The following SLC5A10 variants were observed in gnomAD, a reference collection of about 807,000 sequenced individuals.
The protein encoded by SLC5A10 is solute carrier family 5 member 10.
SLC5A10 carries 55 observed loss-of-function variants against 68.9 expected under a neutral mutation model. The ratio of observed to expected loss-of-function variants is 0.80; its 90% confidence interval spans 0.64 to 1.00. The LOEUF (loss-of-function observed/expected upper bound fraction) is 1.00, where lower values mean the gene tolerates loss of function less well. SLC5A10 is among the 50% of genes least tolerant of loss of function. SLC5A10 has a pLI of 0.00. For synonymous variants in SLC5A10, 344 were observed against 344.8 expected (o/e 1.00, Z 0.02); for missense variants, 732 against 819.3 (o/e 0.89, Z 1.30).
In SLC5A10 at chr17:18,986,757, G is replaced by A. The variant is rs540327378; in HGVS notation, c.982+9768G>A. Among the ~76,000 whole-genome samples the A allele has an allele frequency of 3.9e-5, 6 of 152,376 alleles. No homozygotes were observed. In the South Asian group the frequency reaches 1.2e-3, roughly 32 times the overall value. On this transcript the variant is annotated intron_variant, in intron 9 of 14. Coordinates refer to ENST00000395645, the MANE Select transcript of SLC5A10 (RefSeq NM_001042450.4). The stretch of plus-strand genomic sequence containing the variant: ...CTTGCGTCTGCACGCTGGGGGAAGT[G>A]CAAAGCACTCGCTGGGCCTGGGGCA...
chr17:18,978,589 C>T, intron 9 of SLC5A10: 2 of 1,613,262 alleles, frequency 1.2e-6, no homozygotes, highest in Non-Finnish European at 1.7e-6. Flanking sequence ...TCTTGGCAAT[C>T]TCGTCGACGC....
At chr17:19,014,124 C>T (rs35475444) in intron 10 of SLC5A10, among the ~76,000 whole-genome samples, 9,827 of 152,290 alleles carry the variant, frequency 0.065, 480 homozygotes, top group Middle Eastern at 0.24. Flanking sequence ...CTGTGCCTTC[C>T]GGGCAGGGGG....
chr17:19,020,389 C>G lies in SLC5A10; in HGVS notation c.1749C>G (p.Leu583=). Reference sequence around the variant, plus strand: ...GTGTCTGTGGCTTCAATGCCATCCTCCTCATGTGTGTCAACATATTCTTTT... The same window carrying G: ...GTGTCTGTGGCTTCAATGCCATCCTGCTCATGTGTGTCAACATATTCTTTT... The part of the protein sequence containing the change: ...WARVCGFNAI[L]LMCVNIFFYA... Residue 583 remains leucine, a synonymous_variant, in exon 15 of 15, where the codon CTC becomes CTG. Transcript: ENST00000395645. The G allele has an allele frequency of 6.2e-7, 1 of 1,614,128 alleles. No individual in the cohort carries two copies. The highest frequency in any genetic ancestry group is 1.1e-5 in the South Asian group (1 of 91,082).
intron 9 of SLC5A10, among the ~76,000 whole-genome samples, chr17:18,989,034 T>C (rs1212576482): frequency 6.6e-6 from 1 of 152,204 alleles, no homozygotes; most frequent in Non-Finnish European, 1.5e-5. Flanking sequence ...TCAGTGACTG[T>C]CAGGCTTCTC....
intron 9 of SLC5A10, among the ~76,000 whole-genome samples, chr17:18,994,622 G>A (rs1031695719): frequency 7.9e-5 from 12 of 152,154 alleles, no homozygotes; most frequent in African/African-American, 2.4e-4. Context: ...ACGCAGGACC[G>A]GGAATAGTGT....
At chr17:19,008,623 C>T (rs906387718) in intron 9 of SLC5A10, among the ~76,000 whole-genome samples, 14 of 151,722 alleles carry the variant, frequency 9.2e-5, no homozygotes, top group Non-Finnish European at 1.5e-4. Context: ...CCTCAGCCTC[C>T]GGAGTAGCTG....
intron 1 of SLC5A10, 136 bp from the exon 2 acceptor site, chr17:18,958,546 T>C (rs2042548000): frequency 4.6e-6 from 3 of 645,580 alleles, no homozygotes; most frequent in African/African-American, 1.8e-5. Context: ...TTTGGACATA[T>C]ACCTAGGAGT....
intron 9 of SLC5A10, among the ~76,000 whole-genome samples, chr17:19,009,896 A>T (rs563446367): frequency 6.6e-6 from 1 of 152,086 alleles, no homozygotes; most frequent in Non-Finnish European, 1.5e-5. Context: ...AGGAATGAGT[A>T]TAAGTTCCCT....
Position 19,003,700 on chromosome 17 carries a change from C to G in SLC5A10, c.983-9710C>G, listed in dbSNP as rs779741972. 12 of 1,606,762 alleles carry G rather than the reference C, an allele frequency of 7.5e-6. No individual in the cohort carries two copies. The African/African-American group carries it at 1.5e-4, about 20-fold the overall frequency. ...TCTGGGGCCAGTACTCCAGGGAGGGCAGCGGCTCGGCCTCGATGGGGACCC... is the reference window on the plus strand; with the variant it reads ...TCTGGGGCCAGTACTCCAGGGAGGGGAGCGGCTCGGCCTCGATGGGGACCC... On this transcript the variant is annotated intron_variant, in intron 9 of 14. Transcript: ENST00000395645. The surrounding 1 kb of genome is among the most constrained non-coding windows in gnomAD (Gnocchi z 4.5).
intron 10 of SLC5A10, among the ~76,000 whole-genome samples, chr17:19,014,289 G>A (rs971403816): frequency 6.6e-6 from 1 of 152,164 alleles, no homozygotes. Flanking sequence ...GTGGGCAGTT[G>A]AGCATCCTTC....
chr17:19,011,977 C>T (rs965556690), intron 9 of SLC5A10, among the ~76,000 whole-genome samples: 6 of 151,984 alleles, frequency 3.9e-5, no homozygotes, highest in Non-Finnish European at 8.8e-5. Flanking sequence ...CAATGCCAGC[C>T]GCCCCTGCTG....
chr17:18,956,441 TTC>T (rs1380996099), intron 1 of SLC5A10, among the ~76,000 whole-genome samples: 3 of 151,108 alleles, frequency 2.0e-5, no homozygotes, highest in Admixed American at 6.6e-5. Flanking sequence ...TTTCAAATTC[TTC>T]TGTTTTTTCT....
At chr17:18,963,560 C>A (rs1246268209) in intron 5 of SLC5A10, among the ~76,000 whole-genome samples, 1 of 152,256 alleles carries the variant, frequency 6.6e-6, no homozygotes, top group African/African-American at 2.4e-5. Flanking sequence ...CTGGGGCTAC[C>A]CTGGCTGTTT....
At chr17:18,977,597 T>C in intron 9 of SLC5A10, 1 of 1,608,712 alleles carries the variant, frequency 6.2e-7, no homozygotes, top group Non-Finnish European at 8.5e-7. Context: ...TGCCTCCTTG[T>C]CTGTGGAGCG....
chr17:18,993,441 A>G (rs2043482133), intron 9 of SLC5A10, among the ~76,000 whole-genome samples: 1 of 151,974 alleles, frequency 6.6e-6, no homozygotes, highest in Non-Finnish European at 1.5e-5. Context: ...GTAAGAGGGG[A>G]CAGTTTCCAA....
In SLC5A10 at chr17:18,957,813, A is replaced by G. The variant is rs1215790277; in HGVS notation, c.112-869A>G. Among the ~76,000 whole-genome samples, 4 of 152,192 alleles carry G rather than the reference A, an allele frequency of 2.6e-5. No homozygotes were observed. In the East Asian group the frequency reaches 7.7e-4, roughly 29 times the overall value. On this transcript the variant is annotated intron_variant, in intron 1 of 14. Coordinates refer to ENST00000395645, the MANE Select transcript of SLC5A10 (RefSeq NM_001042450.4). ...ATTCATGGCATTTAGTACATTTGCA[A>G]TGCTGCGCAACCATTACCTGTAGCT...
At chr17:18,989,448 G>T (rs950031834) in intron 9 of SLC5A10, among the ~76,000 whole-genome samples, 1 of 128,400 alleles carries the variant, frequency 7.8e-6, no homozygotes, top group Non-Finnish European at 1.6e-5. Context: ...TGGGCCTCAG[G>T]CCCCCATCGT....
intron 9 of SLC5A10, among the ~76,000 whole-genome samples, chr17:18,988,067 T>C (rs563096914): frequency 6.6e-6 from 1 of 152,390 alleles, no homozygotes; most frequent in East Asian, 1.9e-4. Context: ...GTGAGTATCC[T>C]GCCCCTCAGG....
In SLC5A10 at chr17:19,019,838, C is replaced by T; in HGVS notation, c.1536C>T (p.His512=). The T allele has an allele frequency of 6.2e-7, 1 of 1,613,702 alleles. No homozygotes were observed. Among genetic ancestry groups the T allele is most frequent in the Non-Finnish European group, 8.5e-7 (1 of 1,179,968 alleles). ...GGCCAGCCGTCCTGGGGAGCATCCACTACCTGCACTTCGCTGTCGCCCTCT... is the reference window on the plus strand; with the variant it reads ...GGCCAGCCGTCCTGGGGAGCATCCATTACCTGCACTTCGCTGTCGCCCTCT... ...DTRPAVLGSI[H]YLHFAVALFA... The change falls in exon 13 of 15, where the codon CAC becomes CAT. Residue 512 remains histidine, a synonymous_variant. Transcript: ENST00000395645.
Sources: gnomAD v4.1 joint callset for allele counts (sites outside exome capture counted in the v4.1 genomes callset) on GRCh38, gnomAD v4.1.1 for gene constraint, Gnocchi (gnomAD v3.1) non-coding constraint, MANE v1.5 for transcripts, NCBI Gene and HGNC (gene_info 2026-07-23, HGNC 2026-07-21) for gene names.